HIVEP3: variants seen among roughly 807,000 people sequenced by gnomAD.
HIVEP3 encodes the protein HIVEP zinc finger 3, also known as transcription factor HIVEP3.
HIVEP3 carries 49 observed loss-of-function variants against 152.8 expected under a neutral mutation model. That is an observed-to-expected ratio of 0.32 (90% confidence interval 0.26 to 0.41). HIVEP3 has a LOEUF of 0.41. Ranked by LOEUF, HIVEP3 falls within the 10% of genes least tolerant of loss-of-function variation. The pLI, the probability that HIVEP3 is intolerant of heterozygous loss-of-function variation, is 1.00. For synonymous variants in HIVEP3, 1,269 were observed against 1,289.0 expected (o/e 0.98, Z 0.33); for missense variants, 2,790 against 3,103.3 (o/e 0.90, Z 2.40).
intron 3 of HIVEP3, among the ~76,000 whole-genome samples, chr1:41,587,645 G>A (rs138133111): frequency 7.2e-5 from 11 of 152,280 alleles, no homozygotes; most frequent in African/African-American, 1.9e-4. Flanking sequence ...AAGTTACACC[G>A]TGATCTTCTG....
chr1:41,718,847 G>T (rs1244763305), intron 1 of HIVEP3, among the ~76,000 whole-genome samples: 1 of 152,048 alleles, frequency 6.6e-6, no homozygotes, highest in African/African-American at 2.4e-5. Flanking sequence ...ATAAGACCTT[G>T]ACCCAGCCCA....
At chr1:41,659,560 G>A (rs1645680339) in intron 2 of HIVEP3, among the ~76,000 whole-genome samples, 1 of 152,284 alleles carries the variant, frequency 6.6e-6, no homozygotes, top group East Asian at 1.9e-4. Flanking sequence ...GGCCATCCTA[G>A]CATCTGGCAG....
chr1:41,534,093 C>T (rs1487607218), intron 5 of HIVEP3, among the ~76,000 whole-genome samples: 1 of 152,126 alleles, frequency 6.6e-6, no homozygotes, highest in Admixed American at 6.5e-5. Context: ...AAGGGTGCCA[C>T]CTCTCTGTCC....
intron 5 of HIVEP3, among the ~76,000 whole-genome samples, chr1:41,529,043 A>G (rs1643134584): frequency 9.8e-6 from 1 of 101,588 alleles, no homozygotes; most frequent in East Asian, 3.3e-4. Context: ...TCCCTCACAC[A>G]TGCTCACACC....
At chr1:41,621,746 C>A (rs532988446) in intron 3 of HIVEP3, among the ~76,000 whole-genome samples, 7 of 152,264 alleles carry the variant, frequency 4.6e-5, no homozygotes, top group African/African-American at 1.7e-4. Flanking sequence ...TCAAACTCTC[C>A]GGCTCAGGTG....
At chr1:41,797,726 T>C (rs533991727) in intron 1 of HIVEP3, among the ~76,000 whole-genome samples, 1 of 152,194 alleles carries the variant, frequency 6.6e-6, no homozygotes, top group Non-Finnish European at 1.5e-5. Context: ...CGGTGGCTCA[T>C]GCCTGTAATT....
intron 1 of HIVEP3, among the ~76,000 whole-genome samples, chr1:41,771,373 C>T (rs1254210877): frequency 6.6e-6 from 1 of 151,978 alleles, no homozygotes; most frequent in African/African-American, 2.4e-5. Flanking sequence ...ATTAATAAGG[C>T]TGACCTGGAG....
intron 1 of HIVEP3, among the ~76,000 whole-genome samples, chr1:41,720,418 C>G (rs541644417): frequency 6.6e-6 from 1 of 152,354 alleles, no homozygotes; most frequent in Admixed American, 6.5e-5. Context: ...ACATGTTCAT[C>G]CAGCTCTGAC....
chr1:41,724,054 G>T (rs1054613240), intron 1 of HIVEP3, among the ~76,000 whole-genome samples: 1 of 152,140 alleles, frequency 6.6e-6, no homozygotes, highest in Non-Finnish European at 1.5e-5. Flanking sequence ...TTTCTCTTGC[G>T]ATAATAATAT....
chr1:41,616,760 G>C (rs1253147783), intron 3 of HIVEP3, among the ~76,000 whole-genome samples: 1 of 151,082 alleles, frequency 6.6e-6, no homozygotes, highest in Non-Finnish European at 1.5e-5. Flanking sequence ...CTCAATTTTT[G>C]TTTTTCTAAA....
At chr1:41,733,514 G>A (rs962049931) in intron 1 of HIVEP3, among the ~76,000 whole-genome samples, 1 of 152,210 alleles carries the variant, frequency 6.6e-6, no homozygotes, top group African/African-American at 2.4e-5. Context: ...GCCAGGAGCC[G>A]AGACCCTCAA....
intron 1 of HIVEP3, among the ~76,000 whole-genome samples, chr1:41,934,426 C>A (rs1477876430): frequency 6.6e-6 from 1 of 152,124 alleles, no homozygotes; most frequent in Non-Finnish European, 1.5e-5. Flanking sequence ...TACCCAGCAA[C>A]CTTAGGACTC....
At chr1:41,930,645 G>C (rs546766305) in intron 1 of HIVEP3, among the ~76,000 whole-genome samples, 1 of 152,020 alleles carries the variant, frequency 6.6e-6, no homozygotes, top group African/African-American at 2.4e-5. Flanking sequence ...TGGGATTGCC[G>C]GGTCATATAA....
In HIVEP3 at chr1:41,508,398, A is replaced by G. The variant is rs886912450; in HGVS notation, c.*2053T>C. The G allele has an allele frequency of 2.0e-5, 3 of 152,234 alleles. No individual in the cohort carries two copies. The highest frequency in any genetic ancestry group is 7.2e-5 in the African/African-American group (3 of 41,426). 9.4% of individuals were successfully genotyped at this position (152,234 alleles called of 1,614,324 possible). The stretch of plus-strand genomic sequence containing the variant: ...CTTTCTGTCAGGCCACTGTCCAGCA[A>G]TATGGACAGTGTGGTCCAGGCTGGG... On this transcript the variant is annotated 3_prime_UTR_variant, in exon 9 of 9. Transcript: ENST00000372583.
chr1:41,647,658 T>C (rs1022540855), intron 2 of HIVEP3, among the ~76,000 whole-genome samples: 6 of 152,178 alleles, frequency 3.9e-5, no homozygotes, highest in Non-Finnish European at 5.9e-5. Flanking sequence ...AGGGGGAACA[T>C]AGGGATCTGA....
At chr1:41,609,653 C>T (rs916883243) in intron 3 of HIVEP3, among the ~76,000 whole-genome samples, 3 of 152,246 alleles carry the variant, frequency 2.0e-5, no homozygotes, top group Admixed American at 6.5e-5. Context: ...TTAGGCCCCA[C>T]GGCATGGCTC....
In HIVEP3 at chr1:41,510,931, A is replaced by G. The variant is rs1473834255; in HGVS notation, c.6741T>C (p.Thr2247=). 1 of 1,613,526 alleles carries G rather than the reference A, an allele frequency of 6.2e-7. No homozygotes were observed. The highest frequency in any genetic ancestry group is 8.5e-7 in the Non-Finnish European group (1 of 1,179,876). ...GCGACACGGAGGCTGACGAGCTCTC[A>G]GTGGGACTCCAGCGGCCTCGCTCCT... is the stretch of plus-strand genomic sequence containing the variant. The part of the protein sequence containing the change: ...EAQERGRWSP[T]ESSSASVSPV... The change falls in exon 9 of 9, where the codon ACT becomes ACC. Residue 2247 remains threonine, a synonymous_variant. Coordinates refer to ENST00000372583, the MANE Select transcript of HIVEP3 (RefSeq NM_024503.5).
intron 1 of HIVEP3, among the ~76,000 whole-genome samples, chr1:41,822,858 G>A (rs1642649450): frequency 6.6e-6 from 1 of 152,176 alleles, no homozygotes; most frequent in Non-Finnish European, 1.5e-5. Context: ...CCCATCCTTA[G>A]TTTCAGCATT....
At chr1:41,988,837 T>C (rs572660349) in intron 1 of HIVEP3, among the ~76,000 whole-genome samples, 11 of 152,308 alleles carry the variant, frequency 7.2e-5, no homozygotes, top group African/African-American at 2.4e-4. Context: ...AACAAATGAA[T>C]GGATTAAAAG....
Sources: gnomAD v4.1 joint callset for allele counts (sites outside exome capture counted in the v4.1 genomes callset) on GRCh38, gnomAD v4.1.1 for gene constraint, MANE v1.5 for transcripts, NCBI Gene and HGNC (gene_info 2026-07-23, HGNC 2026-07-21) for gene names.